Variants in DLGAP2 observed in about 807,000 individuals in gnomAD.
The protein encoded by DLGAP2 is DLG associated protein 2.
Under a neutral mutation model 100.3 loss-of-function variants are expected in DLGAP2, and 26 were observed. The observed-to-expected ratio is 0.26, with a 90% CI of 0.19 to 0.36. The LOEUF (loss-of-function observed/expected upper bound fraction) is 0.36, where lower values mean the gene tolerates loss of function less well. Among genes scored for constraint, DLGAP2 ranks in the 10% least tolerant of loss-of-function variants. The pLI, the probability that DLGAP2 is intolerant of heterozygous loss-of-function variation, is 1.00. For missense variants in DLGAP2, 1,858 were observed against 1,453.2 expected, an observed-to-expected ratio of 1.28 and a Z score of -4.53; for synonymous variants, 886 against 630.1, an observed-to-expected ratio of 1.41 and a Z score of -6.08.
rs550145312 is a variant in DLGAP2, at chr8:1,356,131, C to T, written c.106+97248C>T. On this transcript the variant is annotated intron_variant, in intron 3 of 14. Coordinates refer to ENST00000637795, the MANE Select transcript of DLGAP2 (RefSeq NM_001346810.2). ...CCCCACTGGGAGTTGACGGACGGTT[C>T]GTGTGGACCTCACAGCCCCTGCATG... Among the ~76,000 whole-genome samples, 10 of 152,282 alleles carry T rather than the reference C, an allele frequency of 6.6e-5. 1 individual carries two copies. The South Asian group carries it at 1.7e-3, about 25-fold the overall frequency.
chr8:1,471,574 C>T (rs1262366661), intron 3 of DLGAP2, among the ~76,000 whole-genome samples: 1 of 151,372 alleles, frequency 6.6e-6, no homozygotes, highest in Non-Finnish European at 1.5e-5. Context: ...CCCTCCCCTC[C>T]CCAGCCTCCC....
chr8:1,651,680 C>A (rs1452781868), intron 8 of DLGAP2, among the ~76,000 whole-genome samples: 1 of 152,210 alleles, frequency 6.6e-6, no homozygotes, highest in African/African-American at 2.4e-5. Context: ...ACAAAACCAC[C>A]ACAGGCTGTG....
rs1405167950 is a variant in DLGAP2 at position 1,703,755 on chromosome 8, A to G, written c.*2349A>G. 1 of 152,362 alleles carries G rather than the reference A, an allele frequency of 6.6e-6. No individual in the cohort carries two copies. Among genetic ancestry groups the G allele is most frequent in the Non-Finnish European group, 1.5e-5 (1 of 68,032 alleles). 9.4% of individuals were successfully genotyped at this position (152,362 alleles called of 1,614,324 possible). On this transcript the variant is annotated 3_prime_UTR_variant, in exon 15 of 15. Transcript: ENST00000637795. ...CTGCTTAAAAGAAAATGTTCACTGC[A>G]TGTAGGTTGATTTCTTATGTTTTGT...
At chr8:1,584,247 C>T (rs989967939) in intron 6 of DLGAP2, among the ~76,000 whole-genome samples, 4 of 152,036 alleles carry the variant, frequency 2.6e-5, no homozygotes, top group African/African-American at 4.8e-5. Flanking sequence ...TTAGCGACGC[C>T]GATAAAGTAA....
intron 2 of DLGAP2, among the ~76,000 whole-genome samples, chr8:942,964 A>G (rs866045590): frequency 6.6e-6 from 1 of 152,212 alleles, no homozygotes; most frequent in South Asian, 2.1e-4. Flanking sequence ...GCGGAACACC[A>G]TCTATCAGCG....
intron 3 of DLGAP2, among the ~76,000 whole-genome samples, chr8:1,417,337 G>A (rs1379672852): frequency 4.6e-5 from 7 of 151,864 alleles, no homozygotes; most frequent in African/African-American, 1.5e-4. Context: ...GCATCTCACC[G>A]CATGTTCATA....
intron 6 of DLGAP2, among the ~76,000 whole-genome samples, chr8:1,591,942 G>T (rs1344320596): frequency 6.6e-6 from 1 of 152,218 alleles, no homozygotes; most frequent in Non-Finnish European, 1.5e-5. Context: ...AGGAGCGGAG[G>T]GAGGAGGTGG....
intron 2 of DLGAP2, among the ~76,000 whole-genome samples, chr8:1,103,185 A>G (rs1019309435): frequency 4.6e-5 from 7 of 152,072 alleles, no homozygotes; most frequent in Non-Finnish European, 8.8e-5. Flanking sequence ...CCGGTGGCCT[A>G]TCTGCCCTGT....
chr8:1,184,412 A>G (rs1252524904), intron 2 of DLGAP2, among the ~76,000 whole-genome samples: 2 of 152,302 alleles, frequency 1.3e-5, no homozygotes, highest in East Asian at 3.9e-4. Flanking sequence ...TCTCTTGGTA[A>G]CAGTTTAATG....
intron 2 of DLGAP2, among the ~76,000 whole-genome samples, chr8:1,049,915 GAC>G (rs974666618): frequency 2.0e-4 from 31 of 152,154 alleles, no homozygotes; most frequent in East Asian, 3.9e-4. Context: ...CAGGCAGGCA[GAC>G]ACATGCATAT....
At chr8:919,750 A>C (rs900523906) in intron 2 of DLGAP2, among the ~76,000 whole-genome samples, 1 of 150,752 alleles carries the variant, frequency 6.6e-6, no homozygotes, top group Non-Finnish European at 1.5e-5. Context: ...GCTCGCCACC[A>C]CCCGCCTCTC....
At position 818,585 on chromosome 8, in the gene DLGAP2, G is replaced by A. The variant is rs937341525; in HGVS notation, c.18+80760G>A. Reference sequence around the variant, plus strand: ...AGTTCTTGGGGCAAAAGTTAATGACGTGAGTCTCTACATGCTGCTCTGTAC... The same window carrying A: ...AGTTCTTGGGGCAAAAGTTAATGACATGAGTCTCTACATGCTGCTCTGTAC... On this transcript the variant is annotated intron_variant, in intron 1 of 14. Transcript: ENST00000637795. Among the ~76,000 whole-genome samples, 5 of 152,268 alleles carry A rather than the reference G, an allele frequency of 3.3e-5. No homozygotes were observed. The East Asian group carries it at 5.8e-4, about 18-fold the overall frequency.
intron 1 of DLGAP2, among the ~76,000 whole-genome samples, chr8:759,057 A>ATACCCCTGACAG (rs1820995066): frequency 1.0e-5 from 1 of 96,492 alleles, no homozygotes; most frequent in African/African-American, 3.7e-5. Context: ...ACCCCCCACA[A>ATACCCCTGACAG]CCTTCCCATT....
intron 2 of DLGAP2, among the ~76,000 whole-genome samples, chr8:1,209,727 T>A (rs1195169488): frequency 1.3e-5 from 2 of 152,102 alleles, no homozygotes; most frequent in African/African-American, 4.8e-5. Context: ...AAGGAAAACA[T>A]TTAAAGGTGT....
At chr8:969,007 T>C (rs927145636) in intron 2 of DLGAP2, among the ~76,000 whole-genome samples, 4 of 152,212 alleles carry the variant, frequency 2.6e-5, no homozygotes, top group African/African-American at 9.7e-5. Context: ...TGTGGGTTCA[T>C]CTGTGGCTCA....
At chr8:1,698,973 G>A (rs574959422) in intron 14 of DLGAP2, among the ~76,000 whole-genome samples, 4 of 152,372 alleles carry the variant, frequency 2.6e-5, no homozygotes, top group Admixed American at 2.6e-4. Flanking sequence ...TGTAAGCCAT[G>A]CATGGGACTA....
intron 2 of DLGAP2, among the ~76,000 whole-genome samples, chr8:1,219,723 G>C (rs565706074): frequency 2.0e-5 from 3 of 152,184 alleles, no homozygotes; most frequent in Non-Finnish European, 2.9e-5. Context: ...GGTAGAATTT[G>C]GCTGTGAATC....
intron 2 of DLGAP2, among the ~76,000 whole-genome samples, chr8:1,102,384 G>T (rs1436126465): frequency 1.4e-5 from 2 of 147,190 alleles, no homozygotes; most frequent in Non-Finnish European, 1.5e-5. Flanking sequence ...ATAATTTATA[G>T]ATACATAAAA....
rs1042658494 is a variant in DLGAP2 at position 1,707,633 on chromosome 8, G to C, written c.*6227G>C. 1.3e-5 allele frequency: 2 copies of C among 152,178 alleles called. No individual in the cohort carries two copies. Among genetic ancestry groups the C allele is most frequent in the African/African-American group, 2.4e-5 (1 of 41,450 alleles). The allele number at this position is 152,178 out of a possible 1,614,324, so 9.4% of individuals were successfully genotyped here. ...TCGGGCAGGACAGGTCCTCCCTGCAGAGAGAGACAACTCATCCCCCGACCT... is the reference window on the plus strand; with the variant it reads ...TCGGGCAGGACAGGTCCTCCCTGCACAGAGAGACAACTCATCCCCCGACCT... On this transcript the variant is annotated 3_prime_UTR_variant, in exon 15 of 15. Coordinates refer to ENST00000637795, the MANE Select transcript of DLGAP2 (RefSeq NM_001346810.2).
Sources: gnomAD v4.1 joint callset for allele counts (sites outside exome capture counted in the v4.1 genomes callset) on GRCh38, gnomAD v4.1.1 for gene constraint, MANE v1.5 for transcripts, NCBI Gene and HGNC (gene_info 2026-07-23, HGNC 2026-07-21) for gene names.